FMN1: variants seen among roughly 807,000 people sequenced by gnomAD.
FMN1 encodes the protein formin-1.
FMN1 carries 110 observed loss-of-function variants against 132.4 expected under a neutral mutation model. That is an observed-to-expected ratio of 0.83 (90% CI 0.71 to 0.97). The LOEUF (loss-of-function observed/expected upper bound fraction) is 0.97. Ranked by LOEUF, FMN1 falls within the 50% of genes least tolerant of loss-of-function variation. The pLI is 0.00. For synonymous variants in FMN1, 722 were observed against 651.7 expected (o/e 1.11, Z -1.64); for missense variants, 1,792 against 1,705.3 (o/e 1.05, Z -0.90).
At chr15:33,009,263 C>T (rs2034579146) in intron 6 of FMN1, among the ~76,000 whole-genome samples, 2 of 152,170 alleles carry the variant, frequency 1.3e-5, no homozygotes, top group African/African-American at 4.8e-5. Flanking sequence ...TAGATTAAAG[C>T]AGTATACTTC....
At chr15:32,948,915 G>A (rs868743872) in intron 9 of FMN1, among the ~76,000 whole-genome samples, 1 of 151,192 alleles carries the variant, frequency 6.6e-6, no homozygotes, top group African/African-American at 2.4e-5. Context: ...TGTAAAAATG[G>A]CTTTTTCCTG....
chr15:33,063,730 C>A (rs1378070781), intron 6 of FMN1: 1 of 152,206 alleles, frequency 6.6e-6, no homozygotes, highest in Non-Finnish European at 1.5e-5. Flanking sequence ...TTGGGTTAAA[C>A]AGAAGTTTAG....
chr15:32,826,551 G>C (rs920452206), intron 17 of FMN1, among the ~76,000 whole-genome samples: 1 of 152,234 alleles, frequency 6.6e-6, no homozygotes, highest in African/African-American at 2.4e-5. Flanking sequence ...CCCCAGGGAA[G>C]CGCAGACCAA....
At chr15:32,805,263 G>A (rs1007169743) in intron 17 of FMN1, among the ~76,000 whole-genome samples, 6 of 152,208 alleles carry the variant, frequency 3.9e-5, no homozygotes, top group African/African-American at 1.4e-4. Context: ...GACCAGTGAT[G>A]ATGAGCATTT....
chr15:32,927,742 GA>G (rs33945348), intron 9 of FMN1, among the ~76,000 whole-genome samples: 2,045 of 152,084 alleles, frequency 0.013, 41 homozygotes, highest in African/African-American at 0.047. Flanking sequence ...GCCACTAAGG[GA>G]AAAAAACTCT....
chr15:33,114,713 A>C (rs986866122), intron 4 of FMN1, among the ~76,000 whole-genome samples: 2 of 152,138 alleles, frequency 1.3e-5, no homozygotes, highest in Admixed American at 6.6e-5. Context: ...CCTAAACTAT[A>C]AACTCCATAT....
chr15:33,030,537 G>T (rs1342635322), intron 6 of FMN1, among the ~76,000 whole-genome samples: 1 of 152,178 alleles, frequency 6.6e-6, no homozygotes, highest in Non-Finnish European at 1.5e-5. Context: ...GGGACATTAG[G>T]ATCTGGTTTC....
chr15:33,151,398 G>C (rs1595570503), intron 4 of FMN1: 1 of 1,536,474 alleles, frequency 6.5e-7, no homozygotes, highest in Non-Finnish European at 8.7e-7. Context: ...AAAGTAAAGG[G>C]AATGTTGAGT....
At chr15:33,128,183 A>G (rs1169202249) in intron 4 of FMN1, among the ~76,000 whole-genome samples, 1 of 148,246 alleles carries the variant, frequency 6.7e-6, no homozygotes. Context: ...GCAAGCAAAC[A>G]AATTGCTCCC....
At chr15:33,125,887 G>A (rs557969562) in intron 4 of FMN1, among the ~76,000 whole-genome samples, 1 of 152,218 alleles carries the variant, frequency 6.6e-6, no homozygotes, top group Admixed American at 6.5e-5. Context: ...ATGACTGATT[G>A]GCTATAGCCT....
chr15:33,170,066 G>T (rs1965260596), intron 3 of FMN1, among the ~76,000 whole-genome samples: 1 of 151,976 alleles, frequency 6.6e-6, no homozygotes, highest in African/African-American at 2.4e-5. Flanking sequence ...TAAAAACCAT[G>T]TTTTGTGGAC....
At chr15:33,189,062 A>C (rs374355991) in intron 2 of FMN1, among the ~76,000 whole-genome samples, 18 of 152,308 alleles carry the variant, frequency 1.2e-4, no homozygotes, top group African/African-American at 4.3e-4. Flanking sequence ...CAGTTCTTCA[A>C]ATATCGTGAA....
intron 5 of FMN1, chr15:33,068,076 T>C (rs2037830928): frequency 1.4e-6 from 2 of 1,398,110 alleles, no homozygotes; most frequent in South Asian, 1.6e-5. Flanking sequence ...TGTGCGATGA[T>C]GTGTTCCAGG....
At position 32,768,128 on chromosome 15, in the gene FMN1, A is replaced by G. The variant is rs2056108305; in HGVS notation, c.*6182T>C. Reference sequence around the variant, plus strand: ...AAACTCCTTTTTATACATCTCCTATAAAGAAATCTGGAATTCAAAATCCAT... The same window carrying G: ...AAACTCCTTTTTATACATCTCCTATGAAGAAATCTGGAATTCAAAATCCAT... On this transcript the variant is annotated 3_prime_UTR_variant, in exon 21 of 21. Coordinates refer to ENST00000616417, the MANE Select transcript of FMN1 (RefSeq NM_001277313.2). 1 of 152,214 alleles carries G rather than the reference A, an allele frequency of 6.6e-6. No individual in the cohort carries two copies. The highest frequency in any genetic ancestry group is 1.5e-5 in the Non-Finnish European group (1 of 68,034). 9.4% of individuals were successfully genotyped at this position (152,214 alleles called of 1,614,324 possible). A position where few individuals can be genotyped will look rare whatever the true frequency, so the allele number is the denominator to read the frequency against.
intron 4 of FMN1, among the ~76,000 whole-genome samples, chr15:33,121,978 A>C (rs1465206899): frequency 6.6e-6 from 1 of 152,232 alleles, no homozygotes; most frequent in Non-Finnish European, 1.5e-5. Context: ...ATTTACCAAA[A>C]GTGTACTGCA....
intron 2 of FMN1, among the ~76,000 whole-genome samples, chr15:33,188,510 A>G (rs1199485844): frequency 6.6e-6 from 1 of 152,138 alleles, no homozygotes; most frequent in Non-Finnish European, 1.5e-5. Context: ...TGGTTCAGGC[A>G]GAAGGTCCCT....
chr15:33,174,250 G>T (rs1218096569), intron 3 of FMN1, among the ~76,000 whole-genome samples: 2 of 152,142 alleles, frequency 1.3e-5, no homozygotes, highest in African/African-American at 4.8e-5. Context: ...TGGAAGGTTT[G>T]CTATCATTGA....
intron 4 of FMN1, among the ~76,000 whole-genome samples, chr15:33,116,670 G>GTT (rs1014531470): frequency 5.9e-5 from 9 of 152,082 alleles, no homozygotes; most frequent in African/African-American, 2.2e-4. Context: ...AAAACTGCCT[G>GTT]TGATAAAGCA....
At chr15:33,096,367 C>G (rs1418417352) in intron 4 of FMN1, among the ~76,000 whole-genome samples, 1 of 152,184 alleles carries the variant, frequency 6.6e-6, no homozygotes, top group Non-Finnish European at 1.5e-5. Context: ...CCAGAAAAGT[C>G]TGGATATTAC....
Sources: allele counts gnomAD v4.1 joint callset (sites outside exome capture counted in the v4.1 genomes callset), GRCh38; gene constraint gnomAD v4.1.1; transcripts MANE v1.5; gene names NCBI Gene and HGNC (gene_info 2026-07-23, HGNC 2026-07-21).